Variants in CNTNAP2 observed in about 807,000 individuals in gnomAD.
CNTNAP2 encodes contactin-associated protein-like 2.
CNTNAP2 carries 98 observed loss-of-function variants against 155.2 expected under a neutral mutation model. That is an observed-to-expected ratio of 0.63 (90% confidence interval 0.54 to 0.75). The LOEUF (loss-of-function observed/expected upper bound fraction) is 0.75. Among genes scored for constraint, CNTNAP2 ranks in the 30% least tolerant of loss-of-function variants. CNTNAP2 has a pLI of 0.00. For synonymous variants in CNTNAP2, 651 were observed against 631.2 expected (o/e 1.03, Z -0.47); for missense variants, 1,727 against 1,688.1 (o/e 1.02, Z -0.40).
intron 13 of CNTNAP2, among the ~76,000 whole-genome samples, chr7:147,795,856 G>C (rs1028534726): frequency 1.3e-5 from 2 of 152,130 alleles, no homozygotes; most frequent in African/African-American, 4.8e-5. Context: ...TTTTAGCACT[G>C]ATATGCTAAA....
intron 11 of CNTNAP2, among the ~76,000 whole-genome samples, chr7:147,555,808 G>C (rs1194574400): frequency 1.3e-5 from 2 of 152,210 alleles, no homozygotes; most frequent in Non-Finnish European, 2.9e-5. Context: ...GGAGTAGACA[G>C]GTGTGGAGAG....
chr7:146,117,765 G>A (rs2116712552), intron 1 of CNTNAP2, among the ~76,000 whole-genome samples: 1 of 152,224 alleles, frequency 6.6e-6, no homozygotes, highest in South Asian at 2.1e-4. Context: ...AGAAATGGAA[G>A]ATTCTGGCCC....
intron 1 of CNTNAP2, among the ~76,000 whole-genome samples, chr7:146,321,988 C>T (rs577515159): frequency 4.6e-5 from 7 of 151,844 alleles, no homozygotes; most frequent in South Asian, 2.1e-4. Context: ...AAAAAAAATT[C>T]AGGGAAAAGT....
intron 3 of CNTNAP2, among the ~76,000 whole-genome samples, chr7:146,968,044 C>T (rs2129232356): frequency 6.8e-6 from 1 of 147,030 alleles, no homozygotes; most frequent in South Asian, 2.2e-4. Flanking sequence ...TGTCAAAGGC[C>T]TTTTCTGCAT....
chr7:147,068,380 C>T (rs948535573), intron 4 of CNTNAP2, among the ~76,000 whole-genome samples: 2 of 152,110 alleles, frequency 1.3e-5, no homozygotes, highest in Non-Finnish European at 2.9e-5. Flanking sequence ...TTTTCCAAGA[C>T]ATAGTCTTGC....
At chr7:146,238,049 A>G (rs1475345177) in intron 1 of CNTNAP2, among the ~76,000 whole-genome samples, 1 of 152,200 alleles carries the variant, frequency 6.6e-6, no homozygotes, top group Admixed American at 6.5e-5. Context: ...TAGACTCACA[A>G]AAGGAGAGAC....
At chr7:147,892,391 G>A (rs1223075111) in intron 13 of CNTNAP2, among the ~76,000 whole-genome samples, 1 of 152,116 alleles carries the variant, frequency 6.6e-6, no homozygotes, top group African/African-American at 2.4e-5. Flanking sequence ...GAAACAAATA[G>A]CATATGTTTC....
chr7:147,243,474 G>A (rs1803989140), intron 8 of CNTNAP2, among the ~76,000 whole-genome samples: 1 of 151,896 alleles, frequency 6.6e-6, no homozygotes, highest in African/African-American at 2.4e-5. Flanking sequence ...TTTCTAATTG[G>A]GTGCTTTTTA....
chr7:147,195,675 T>C (rs377024172), intron 8 of CNTNAP2, among the ~76,000 whole-genome samples: 19 of 152,218 alleles, frequency 1.2e-4, no homozygotes, highest in African/African-American at 4.1e-4. Flanking sequence ...ATTCTCTTTG[T>C]AGTGATTATG....
At chr7:146,203,012 A>G (rs1807092721) in intron 1 of CNTNAP2, among the ~76,000 whole-genome samples, 1 of 140,962 alleles carries the variant, frequency 7.1e-6, no homozygotes, top group Admixed American at 6.9e-5. Context: ...AGTTTCTGCA[A>G]AAGTTTTTTG....
chr7:146,214,857 A>C (rs752382864), intron 1 of CNTNAP2, among the ~76,000 whole-genome samples: 41 of 152,142 alleles, frequency 2.7e-4, no homozygotes, highest in Non-Finnish European at 1.2e-4. Context: ...GCTTTACTCA[A>C]ATGGATTTTA....
chr7:146,191,454 A>T (rs772534645), intron 1 of CNTNAP2, among the ~76,000 whole-genome samples: 11 of 152,216 alleles, frequency 7.2e-5, no homozygotes, highest in Non-Finnish European at 1.2e-4. Flanking sequence ...TTTTGGGCAC[A>T]TATTGTCATT....
chr7:147,703,878 G>C (rs1333428933), intron 13 of CNTNAP2, among the ~76,000 whole-genome samples: 4 of 152,082 alleles, frequency 2.6e-5, no homozygotes, highest in African/African-American at 9.7e-5. Context: ...ACCCTTCCCA[G>C]CCTCTGGTAA....
At chr7:147,651,779 C>T (rs1343426822) in intron 13 of CNTNAP2, among the ~76,000 whole-genome samples, 1 of 152,190 alleles carries the variant, frequency 6.6e-6, no homozygotes, top group Non-Finnish European at 1.5e-5. Context: ...AAAGTTGGCT[C>T]AGAAAAGATG....
chr7:147,736,961 G>A (rs1324823873), intron 13 of CNTNAP2, among the ~76,000 whole-genome samples: 3 of 152,086 alleles, frequency 2.0e-5, no homozygotes, highest in Non-Finnish European at 2.9e-5. Flanking sequence ...TTTGCCATGG[G>A]TTCGAACTTC....
intron 1 of CNTNAP2, among the ~76,000 whole-genome samples, chr7:146,667,904 T>A (rs977043743): frequency 2.0e-5 from 3 of 152,086 alleles, no homozygotes; most frequent in African/African-American, 7.2e-5. Flanking sequence ...ATATATAGGA[T>A]CATGTCATCT....
At chr7:146,671,429 TCACA>T (rs147594471) in intron 1 of CNTNAP2, among the ~76,000 whole-genome samples, 5 of 148,290 alleles carry the variant, frequency 3.4e-5, no homozygotes, top group African/African-American at 1.2e-4. Flanking sequence ...TTTTTGTCAC[TCACA>T]CACACACACA....
chr7:147,729,428 G>GCACACACA (rs3053507), intron 13 of CNTNAP2, among the ~76,000 whole-genome samples: 3 of 149,212 alleles, frequency 2.0e-5, no homozygotes, highest in Non-Finnish European at 4.5e-5. Context: ...ACACACACAC[G>GCACACACA]CACACACACA....
intron 12 of CNTNAP2, among the ~76,000 whole-genome samples, chr7:147,628,456 C>A (rs1795026453): frequency 6.6e-6 from 1 of 152,058 alleles, no homozygotes; most frequent in Non-Finnish European, 1.5e-5. Context: ...ACAACTAAGC[C>A]AGCGCTATAA....
Sources: allele counts gnomAD v4.1 joint callset (sites outside exome capture counted in the v4.1 genomes callset), GRCh38; gene constraint gnomAD v4.1.1; transcripts MANE v1.5; gene names NCBI Gene and HGNC (gene_info 2026-07-23, HGNC 2026-07-21).